PREX1: variants seen among roughly 807,000 people sequenced by gnomAD.
The protein encoded by PREX1 is phosphatidylinositol 3,4,5-trisphosphate-dependent Rac exchanger 1 protein.
In PREX1, 41 loss-of-function variants were observed where a neutral mutation model predicts 198.3. The observed-to-expected ratio is 0.21, with a 90% CI of 0.16 to 0.27. The LOEUF (loss-of-function observed/expected upper bound fraction) is 0.27, where lower values mean the gene tolerates loss of function less well. PREX1 is among the 10% of genes least tolerant of loss of function. The probability of loss-of-function intolerance (pLI) is 1.00; values close to 1 mark genes in which losing one functional copy is unlikely to be tolerated. For missense variants in PREX1, 1,620 were observed against 2,200.7 expected, an observed-to-expected ratio of 0.74 and a Z score of 5.28; for synonymous variants, 843 against 887.2, an observed-to-expected ratio of 0.95 and a Z score of 0.89.
At chr20:48,697,286 C>T (rs1040532796) in intron 7 of PREX1, among the ~76,000 whole-genome samples, 1 of 152,138 alleles carries the variant, frequency 6.6e-6, no homozygotes, top group Non-Finnish European at 1.5e-5. Context: ...CTTTTATCCC[C>T]ATATAACAGG....
At chr20:48,839,709 G>A in the PREX1 span, among the ~76,000 whole-genome samples, 2 of 152,156 alleles carry the variant, frequency 1.3e-5, no homozygotes, top group Non-Finnish European at 2.9e-5. Context: ...GTTTTAACTC[G>A]TGGATGCTGT....
chr20:48,696,282 G>C (rs1840411126), intron 7 of PREX1, among the ~76,000 whole-genome samples: 1 of 152,184 alleles, frequency 6.6e-6, no homozygotes, highest in African/African-American at 2.4e-5. Context: ...TGTTTGGTAT[G>C]AGATAAGGGT....
chr20:48,747,741 G>A (rs1239067644), intron 2 of PREX1, 68 bp downstream of exon 2: 10 of 1,497,302 alleles, frequency 6.7e-6, no homozygotes, highest in East Asian at 2.3e-5. Flanking sequence ...TCTGAGCATC[G>A]CACGGGAAGA....
At chr20:48,751,788 T>G (rs940551328) in intron 1 of PREX1, among the ~76,000 whole-genome samples, 5 of 152,224 alleles carry the variant, frequency 3.3e-5, no homozygotes, top group Non-Finnish European at 7.3e-5. Flanking sequence ...CTGGACCACT[T>G]GTCCTCACAT....
intron 3 of PREX1, among the ~76,000 whole-genome samples, chr20:48,737,275 T>C (rs1432974355): frequency 1.7e-5 from 2 of 119,608 alleles, no homozygotes; most frequent in South Asian, 2.7e-4. Flanking sequence ...AGGCAGCAGA[T>C]AGACTCGTGG....
At chr20:48,718,634 C>CA (rs1468007291) in intron 5 of PREX1, among the ~76,000 whole-genome samples, 1 of 151,682 alleles carries the variant, frequency 6.6e-6, no homozygotes, top group African/African-American at 2.4e-5. Flanking sequence ...ATGGAGTTAA[C>CA]AAAAAAAGCA....
intron 1 of PREX1, among the ~76,000 whole-genome samples, chr20:48,806,163 A>G (rs2090410932): frequency 6.6e-6 from 1 of 152,170 alleles, no homozygotes; most frequent in Non-Finnish European, 1.5e-5. Context: ...ATCTCCAGAC[A>G]TTGCCATATG....
At chr20:48,778,973 A>T (rs189309861) in intron 1 of PREX1, among the ~76,000 whole-genome samples, 2 of 152,346 alleles carry the variant, frequency 1.3e-5, no homozygotes, top group African/African-American at 4.8e-5. Context: ...ATGTGACATT[A>T]AAAAAAGCAA....
intron 10 of PREX1, among the ~76,000 whole-genome samples, chr20:48,681,678 AGATGGATG>A (rs376886223): frequency 6.7e-6 from 1 of 150,090 alleles, no homozygotes; most frequent in Non-Finnish European, 1.5e-5. Flanking sequence ...GTGACTACAT[AGATGGATG>A]GATGGATGGA....
chr20:48,855,043 T>G, the PREX1 span, among the ~76,000 whole-genome samples: 27 of 152,254 alleles, frequency 1.8e-4, no homozygotes, highest in African/African-American at 5.1e-4. Context: ...AATAACATAC[T>G]TAAAGTCCTC....
chr20:48,631,382 T>C (rs1230209815), intron 35 of PREX1, among the ~76,000 whole-genome samples: 2 of 152,222 alleles, frequency 1.3e-5, no homozygotes, highest in Admixed American at 6.5e-5. Context: ...CTAGAATATA[T>C]GCTCCATGAA....
chr20:48,829,335 C>A (rs1174766946), upstream of PREX1, among the ~76,000 whole-genome samples: 3 of 152,214 alleles, frequency 2.0e-5, no homozygotes. Flanking sequence ...GTATCCGCCT[C>A]TAGACTGTAG....
At chr20:48,729,786 G>A (rs1026837795) in intron 4 of PREX1, among the ~76,000 whole-genome samples, 5 of 152,126 alleles carry the variant, frequency 3.3e-5, no homozygotes, top group African/African-American at 1.2e-4. Flanking sequence ...CCCTGCAGTC[G>A]GTTGAATGGT....
chr20:48,880,100 T>G, the PREX1 span, among the ~76,000 whole-genome samples: 1 of 152,226 alleles, frequency 6.6e-6, no homozygotes, highest in South Asian at 2.1e-4. Flanking sequence ...ACAGTTTAAC[T>G]TTTTGTCTGC....
chr20:48,726,405 G>A lies in PREX1; in HGVS notation c.520-14C>T, dbSNP rs1306075157. On this transcript the variant is annotated splice_polypyrimidine_tract_variant and intron_variant, in intron 4 of 39. Transcript: ENST00000371941. Reference sequence around the variant, plus strand: ...AAGCATGCAGCTCTGCAAAGGGACAGGAGACCTTCATGAAACCCACCAAGG... The same window carrying A: ...AAGCATGCAGCTCTGCAAAGGGACAAGAGACCTTCATGAAACCCACCAAGG... 6.2e-7 allele frequency: 1 copy of A among 1,603,844 alleles called. No homozygotes were observed. Among genetic ancestry groups the A allele is most frequent in the Admixed American group, 1.7e-5 (1 of 59,316 alleles).
chr20:48,703,483 C>T lies in PREX1; in HGVS notation c.784-2597G>A, dbSNP rs182598899. Among the ~76,000 whole-genome samples, 243 of 152,284 alleles carry T rather than the reference C, an allele frequency of 1.6e-3. 1 individual carries two copies. The highest frequency in any genetic ancestry group is 5.2e-3 in the African/African-American group (215 of 41,560). On this transcript the variant is annotated intron_variant, in intron 6 of 39. Transcript: ENST00000371941. ...GCCCCTGGGACCCCCAGCATCCTCG[C>T]GAACTCCCTGGGGCTTCATCATGGC...
intron 1 of PREX1, among the ~76,000 whole-genome samples, chr20:48,784,374 G>A (rs1210976935): frequency 5.3e-5 from 8 of 152,076 alleles, no homozygotes. Context: ...TTCATGCAAT[G>A]TTGTTATTAC....
At chr20:48,752,448 C>T (rs2090138144) in intron 1 of PREX1, among the ~76,000 whole-genome samples, 1 of 152,244 alleles carries the variant, frequency 6.6e-6, no homozygotes, top group Admixed American at 6.5e-5. Flanking sequence ...CCTTACCCCA[C>T]ACCACATCGA....
At chr20:48,768,293 G>C (rs73258445) in intron 1 of PREX1, among the ~76,000 whole-genome samples, 9,620 of 152,216 alleles carry the variant, frequency 0.063, 719 homozygotes, top group African/African-American at 0.18. Flanking sequence ...ACAGGAGAAC[G>C]GATGAACAAA....
Sources: allele counts gnomAD v4.1 joint callset (sites outside exome capture counted in the v4.1 genomes callset), GRCh38; gene constraint gnomAD v4.1.1; transcripts MANE v1.5; gene names NCBI Gene and HGNC (gene_info 2026-07-23, HGNC 2026-07-21).